Variants in SPATS2 observed in about 807,000 individuals in gnomAD.
SPATS2 encodes spermatogenesis-associated serine-rich protein 2.
In SPATS2, 38 loss-of-function variants were observed where a neutral mutation model predicts 63.7. That is an observed-to-expected ratio of 0.60 (90% CI 0.46 to 0.78). The LOEUF (loss-of-function observed/expected upper bound fraction) is 0.78. Among genes scored for constraint, SPATS2 ranks in the 30% least tolerant of loss-of-function variants. The pLI is 0.00. For synonymous variants in SPATS2, 207 were observed against 232.9 expected, an observed-to-expected ratio of 0.89 and a Z score of 1.01; for missense variants, 588 against 666.2, an observed-to-expected ratio of 0.88 and a Z score of 1.29.
intron 2 of SPATS2, among the ~76,000 whole-genome samples, chr12:49,446,422 C>G (rs528021388): frequency 3.3e-5 from 5 of 152,322 alleles, no homozygotes; most frequent in Non-Finnish European, 5.9e-5. Context: ...TTGTTCCTTT[C>G]AGGAAGCTCT....
chr12:49,453,856 C>CTTTTTTTTTT (rs869155580), intron 2 of SPATS2, among the ~76,000 whole-genome samples: 3 of 76,194 alleles, frequency 3.9e-5, no homozygotes, highest in South Asian at 4.5e-4. Flanking sequence ...AAATAGCATT[C>CTTTTTTTTTT]TTTTTTTTTT....
chr12:49,377,698 T>C (rs1359316005), intron 2 of SPATS2, among the ~76,000 whole-genome samples: 1 of 152,194 alleles, frequency 6.6e-6, no homozygotes, highest in Admixed American at 6.5e-5. Context: ...TATTTCTATA[T>C]ATAATATGAT....
chr12:49,429,890 C>T (rs1201727027), intron 2 of SPATS2, among the ~76,000 whole-genome samples: 1 of 151,012 alleles, frequency 6.6e-6, no homozygotes, highest in Admixed American at 6.6e-5. Context: ...AAGTGATTCT[C>T]CTGCCTCAGC....
intron 3 of SPATS2, among the ~76,000 whole-genome samples, chr12:49,483,451 A>G (rs1441969577): frequency 1.3e-5 from 2 of 152,152 alleles, no homozygotes; most frequent in East Asian, 1.9e-4. Context: ...GGAGTTAACC[A>G]TATTATATAG....
At chr12:49,414,935 C>CTTTTTTTTTTTTTTTTTTTTTTTT (rs199648430) in intron 2 of SPATS2, among the ~76,000 whole-genome samples, 2 of 135,914 alleles carry the variant, frequency 1.5e-5, no homozygotes, top group African/African-American at 5.8e-5. Context: ...TTTTCTTTTT[C>CTTTTTTTTTTTTTTTTTTTTTTTT]TTTTCTTTTT....
intron 2 of SPATS2, among the ~76,000 whole-genome samples, chr12:49,398,985 G>A (rs1334482777): frequency 6.6e-6 from 1 of 152,124 alleles, no homozygotes; most frequent in Non-Finnish European, 1.5e-5. Context: ...TTTGTCTCCA[G>A]TACTTGCAAA....
intron 9 of SPATS2, among the ~76,000 whole-genome samples, chr12:49,506,440 A>G (rs1319049022): frequency 1.3e-5 from 2 of 151,970 alleles, no homozygotes; most frequent in Non-Finnish European, 2.9e-5. Flanking sequence ...GTGCAAGGGA[A>G]CTCTCATTTA....
chr12:49,385,409 A>C (rs1944297727), intron 2 of SPATS2, among the ~76,000 whole-genome samples: 1 of 151,764 alleles, frequency 6.6e-6, no homozygotes, highest in African/African-American at 2.4e-5. Flanking sequence ...AGAGATAGAG[A>C]CAGAGACAGA....
Position 49,503,509 on chromosome 12 carries a change from C to T in SPATS2, c.839+3304C>T, listed in dbSNP as rs1186021161. On this transcript the variant is annotated intron_variant, in intron 9 of 13. Transcript: ENST00000552918. ...CTAAAAATACAAAAAGTTAGCCGGG[C>T]GTGGTGGCGGGCGCCTGTAGTCCCA... Among the ~76,000 whole-genome samples, 8 of 151,340 alleles carry T rather than the reference C, an allele frequency of 5.3e-5. No individual in the cohort carries two copies. In the South Asian group the frequency reaches 6.3e-4, roughly 12 times the overall value.
rs181316182 is a variant in SPATS2 at position 49,410,631 on chromosome 12, G to A, written c.-244+39341G>A. On this transcript the variant is annotated intron_variant, in intron 2 of 13. Coordinates refer to ENST00000552918, the MANE Select transcript of SPATS2 (RefSeq NM_023071.4). ...TAGTTACTGATAGACTGTAACTAGAGTGCAAGTTTCTTACATAAGAGATAA... is the reference window on the plus strand; with the variant it reads ...TAGTTACTGATAGACTGTAACTAGAATGCAAGTTTCTTACATAAGAGATAA... Among the ~76,000 whole-genome samples, 29 of 152,280 alleles carry A rather than the reference G, an allele frequency of 1.9e-4. No individual in the cohort carries two copies. In the East Asian group the frequency reaches 5.0e-3, roughly 26 times the overall value.
At chr12:49,473,999 A>G (rs1946080422) in intron 3 of SPATS2, among the ~76,000 whole-genome samples, 2 of 152,240 alleles carry the variant, frequency 1.3e-5, no homozygotes, top group Non-Finnish European at 2.9e-5. Context: ...GGTGTGAGGA[A>G]GACTTCTAAG....
At chr12:49,522,600 A>G in intron 11 of SPATS2, 151 bp from the exon 12 acceptor site, 1 of 537,898 alleles carries the variant, frequency 1.9e-6, no homozygotes, top group Non-Finnish European at 3.3e-6. Flanking sequence ...AATTTATTCG[A>G]TCACCTGGCG....
At chr12:49,450,711 T>G (rs1444248097) in intron 2 of SPATS2, among the ~76,000 whole-genome samples, 1 of 151,632 alleles carries the variant, frequency 6.6e-6, no homozygotes, top group East Asian at 1.9e-4. Context: ...GCCCAGCTAA[T>G]TTTTGTATTT....
chr12:49,374,947 A>T (rs1035792048), intron 2 of SPATS2, among the ~76,000 whole-genome samples: 2 of 115,866 alleles, frequency 1.7e-5, no homozygotes, highest in Admixed American at 1.1e-4. Context: ...GGAAACAGCG[A>T]GGATCTGTCT....
intron 4 of SPATS2, 70 bp from the exon 5 acceptor site, chr12:49,489,395 C>T (rs1946347623): frequency 5.3e-6 from 6 of 1,137,744 alleles, no homozygotes; most frequent in Admixed American, 2.0e-5. Context: ...TTTCATTATT[C>T]TCTGTATAGG....
upstream of SPATS2, chr12:49,367,206 T>G: frequency 1.6e-5 from 3 of 193,446 alleles, no homozygotes; most frequent in Non-Finnish European, 2.1e-5. Context: ...CGCGCACCCG[T>G]TGGCTGCCAC....
intron 2 of SPATS2, among the ~76,000 whole-genome samples, chr12:49,437,152 C>G (rs1355585184): frequency 1.3e-5 from 2 of 151,170 alleles, no homozygotes; most frequent in African/African-American, 4.9e-5. Flanking sequence ...ACTTCTCAGA[C>G]GGGGCGGTTG....
intron 2 of SPATS2, among the ~76,000 whole-genome samples, chr12:49,451,801 T>C (rs758284736): frequency 1.3e-5 from 2 of 152,280 alleles, no homozygotes; most frequent in African/African-American, 2.4e-5. Context: ...GTAAGTCAGG[T>C]TTGCAAGCAA....
intron 1 of SPATS2, among the ~76,000 whole-genome samples, chr12:49,369,111 C>G (rs1943955493): frequency 6.9e-6 from 1 of 144,024 alleles, no homozygotes; most frequent in Admixed American, 7.2e-5. Flanking sequence ...TCTCGGCTCA[C>G]TGCAACCTCC....
Sources: allele counts gnomAD v4.1 joint callset (sites outside exome capture counted in the v4.1 genomes callset), GRCh38; gene constraint gnomAD v4.1.1; transcripts MANE v1.5; gene names NCBI Gene and HGNC (gene_info 2026-07-23, HGNC 2026-07-21).